Variants in RNF11 observed in about 807,000 individuals in gnomAD.
The protein encoded by RNF11 is ring finger protein 11.
In RNF11, 4 loss-of-function variants were observed where a neutral mutation model predicts 15.8. That is an observed-to-expected ratio of 0.25 (90% CI 0.12 to 0.58). The LOEUF is 0.58. Among genes scored for constraint, RNF11 ranks in the 20% least tolerant of loss-of-function variants. RNF11 has a pLI of 0.91. For missense variants in RNF11, 139 were observed against 194.4 expected, an observed-to-expected ratio of 0.71 and a Z score of 1.70; for synonymous variants, 68 against 72.3, an observed-to-expected ratio of 0.94 and a Z score of 0.30.
chr1:51,262,419 CT>C (rs1646934233), intron 1 of RNF11, among the ~76,000 whole-genome samples: 1 of 152,220 alleles, frequency 6.6e-6, no homozygotes, highest in Non-Finnish European at 1.5e-5. Flanking sequence ...GTTTGACAAA[CT>C]TCTTAGGATA....
chr1:51,252,099 A>G (rs1467742460), intron 1 of RNF11, among the ~76,000 whole-genome samples: 5 of 151,650 alleles, frequency 3.3e-5, no homozygotes, highest in South Asian at 2.1e-4. Flanking sequence ...AAAAAAAAAA[A>G]AAAGAAACAG....
At chr1:51,237,756 C>T (rs1396042042) in intron 1 of RNF11, among the ~76,000 whole-genome samples, 1 of 152,044 alleles carries the variant, frequency 6.6e-6, no homozygotes, top group African/African-American at 2.4e-5. Flanking sequence ...GTGTGAAAAC[C>T]TTTCCTGTAC....
chr1:51,252,685 A>G (rs1328442715), intron 1 of RNF11, among the ~76,000 whole-genome samples: 1 of 152,168 alleles, frequency 6.6e-6, no homozygotes, highest in Non-Finnish European at 1.5e-5. Flanking sequence ...CCCATGTTCA[A>G]GGGTCAACTG....
intron 1 of RNF11, among the ~76,000 whole-genome samples, chr1:51,264,237 G>A (rs1646942651): frequency 9.4e-6 from 1 of 106,876 alleles, no homozygotes; most frequent in Non-Finnish European, 1.8e-5. Flanking sequence ...TCTAGCCTAG[G>A]TAACAGAATG....
At chr1:51,238,885 A>G (rs936447300) in intron 1 of RNF11, among the ~76,000 whole-genome samples, 2 of 151,942 alleles carry the variant, frequency 1.3e-5, no homozygotes, top group Non-Finnish European at 2.9e-5. Flanking sequence ...GCGTGCCACC[A>G]CACCTAGCTA....
chr1:51,257,882 CTG>C (rs1646912712), intron 1 of RNF11, among the ~76,000 whole-genome samples: 1 of 89,952 alleles, frequency 1.1e-5, no homozygotes, highest in Non-Finnish European at 1.9e-5. Flanking sequence ...GAGACAAAGT[CTG>C]TTGCTGATGC....
rs559919655 is a variant in RNF11, at chr1:51,271,241, C to A, written c.384C>A (p.Asp128Glu). ...MHIYHLDCID[D>E]WLMRSFTCPS... ...TCTATCACCTGGACTGTATAGATGA[C>A]TGGTTGATGAGATCCTTCACGTGCC... Residue 128 changes from aspartate to glutamate, a missense_variant, in exon 3 of 3, where the codon GAC becomes GAA. By Grantham distance (45) the Asp-to-Glu change is conservative. Coordinates refer to ENST00000242719, the MANE Select transcript of RNF11 (RefSeq NM_014372.5). The A allele has an allele frequency of 6.2e-7, 1 of 1,613,964 alleles. No homozygotes were observed. Among genetic ancestry groups the A allele is most frequent in the Non-Finnish European group, 8.5e-7 (1 of 1,179,858 alleles).
At chr1:51,251,130 C>T (rs1032531336) in intron 1 of RNF11, 4 of 1,553,562 alleles carry the variant, frequency 2.6e-6, no homozygotes, top group Non-Finnish European at 3.5e-6. Context: ...CTGGCCAGCA[C>T]GGGTCTGCGT....
Position 51,271,386 on chromosome 1 carries a change from G to C in RNF11, c.*64G>C. On this transcript the variant is annotated 3_prime_UTR_variant, in exon 3 of 3. Coordinates refer to ENST00000242719, the MANE Select transcript of RNF11 (RefSeq NM_014372.5). ...TTGGTGGTTTTGATCTTTTGTCACT[G>C]AGCCCAAAGAGCCAGGGATTAGGAA... 1.5e-6 allele frequency: 2 copies of C among 1,314,550 alleles called. No individual in the cohort carries two copies. The highest frequency in any genetic ancestry group is 2.1e-6 in the Non-Finnish European group (2 of 953,252). The allele number at this position is 1,314,550 out of a possible 1,614,324, so 81.4% of individuals were successfully genotyped here. A position where few individuals can be genotyped will look rare whatever the true frequency, so the allele number is the denominator to read the frequency against.
At chr1:51,251,770 T>A (rs1646879234) in intron 1 of RNF11, among the ~76,000 whole-genome samples, 1 of 151,748 alleles carries the variant, frequency 6.6e-6, no homozygotes, top group South Asian at 2.1e-4. Context: ...GACCTCATCT[T>A]TACAAAAAAT....
At chr1:51,249,987 G>T (rs559011050) in intron 1 of RNF11, among the ~76,000 whole-genome samples, 2 of 152,018 alleles carry the variant, frequency 1.3e-5, no homozygotes, top group Admixed American at 6.6e-5. Context: ...CCTATTCGTC[G>T]TTCTTCTGTC....
intron 1 of RNF11, chr1:51,251,449 C>G (rs537297600): frequency 1.5e-5 from 11 of 749,658 alleles, no homozygotes; most frequent in Non-Finnish European, 2.4e-5. Flanking sequence ...GGCCCCCCCC[C>G]GCTGCACTGG....
intron 1 of RNF11, among the ~76,000 whole-genome samples, chr1:51,246,448 GC>G (rs1415510489): frequency 6.6e-6 from 1 of 152,150 alleles, no homozygotes; most frequent in Non-Finnish European, 1.5e-5. Context: ...GTTGGCACAT[GC>G]CTGTAGTCCC....
chr1:51,259,617 C>T (rs1646921170), intron 1 of RNF11, among the ~76,000 whole-genome samples: 1 of 152,210 alleles, frequency 6.6e-6, no homozygotes, highest in Non-Finnish European at 1.5e-5. Flanking sequence ...ATTTAAGCTT[C>T]TAAAATTTCC....
intron 1 of RNF11, among the ~76,000 whole-genome samples, chr1:51,268,981 T>A (rs1646967502): frequency 6.6e-6 from 1 of 152,232 alleles, no homozygotes; most frequent in South Asian, 2.1e-4. Flanking sequence ...CTTAGTTATC[T>A]CATGATTATA....
intron 1 of RNF11, among the ~76,000 whole-genome samples, chr1:51,268,252 C>A (rs1176094915): frequency 4.6e-5 from 7 of 152,064 alleles, no homozygotes; most frequent in African/African-American, 1.7e-4. Context: ...AGGGTGAGGC[C>A]ACATTCATCT....
intron 1 of RNF11, among the ~76,000 whole-genome samples, chr1:51,237,607 C>T (rs1646810918): frequency 6.6e-6 from 1 of 151,966 alleles, no homozygotes; most frequent in Admixed American, 6.6e-5. Context: ...CTCGTGTTCT[C>T]CCTTTGTATC....
At chr1:51,256,428 A>G (rs915747402) in intron 1 of RNF11, among the ~76,000 whole-genome samples, 1 of 152,088 alleles carries the variant, frequency 6.6e-6, no homozygotes, top group Non-Finnish European at 1.5e-5. Flanking sequence ...ATAACATTCC[A>G]TTTGCATTGA....
chr1:51,238,687 T>G (rs186926625), intron 1 of RNF11, among the ~76,000 whole-genome samples: 2 of 152,280 alleles, frequency 1.3e-5, no homozygotes, highest in African/African-American at 4.8e-5. Context: ...TCCTTCACTG[T>G]CTTTCCCTCC....
Sources: allele counts gnomAD v4.1 joint callset (sites outside exome capture counted in the v4.1 genomes callset), GRCh38; gene constraint gnomAD v4.1.1; transcripts MANE v1.5; gene names NCBI Gene and HGNC (gene_info 2026-07-23, HGNC 2026-07-21).